The following SPATA16 variants were observed in gnomAD, a reference collection of about 807,000 sequenced individuals.
SPATA16 encodes the protein spermatogenesis associated 16, also known as spermatogenesis-associated protein 16.
Under a neutral mutation model 63.3 loss-of-function variants are expected in SPATA16, and 36 were observed. The observed-to-expected ratio is 0.57, with a 90% confidence interval of 0.44 to 0.75. The LOEUF (loss-of-function observed/expected upper bound fraction) is 0.75. Among genes scored for constraint, SPATA16 ranks in the 30% least tolerant of loss-of-function variants. SPATA16 has a pLI of 0.00. For synonymous variants in SPATA16, 203 were observed against 216.7 expected, an observed-to-expected ratio of 0.94 and a Z score of 0.56; for missense variants, 646 against 679.3, an observed-to-expected ratio of 0.95 and a Z score of 0.54.
chr3:173,067,252 C>A (rs1289740118), intron 2 of SPATA16, among the ~76,000 whole-genome samples: 1 of 152,088 alleles, frequency 6.6e-6, no homozygotes, highest in African/African-American at 2.4e-5. Flanking sequence ...TACCTATACA[C>A]CATGGAATAC....
intron 5 of SPATA16, among the ~76,000 whole-genome samples, chr3:172,963,589 G>A (rs1167654805): frequency 6.6e-6 from 1 of 152,020 alleles, no homozygotes; most frequent in African/African-American, 2.4e-5. Context: ...CATTCAGTAT[G>A]TTTAGGGTTA....
chr3:172,959,841 G>A (rs1162863743), intron 5 of SPATA16, among the ~76,000 whole-genome samples: 2 of 143,112 alleles, frequency 1.4e-5, no homozygotes, highest in African/African-American at 2.7e-5. Flanking sequence ...GGTATTGAAT[G>A]GCATTATTGA....
chr3:173,127,912 G>A (rs942155097), intron 1 of SPATA16, among the ~76,000 whole-genome samples: 2 of 152,146 alleles, frequency 1.3e-5, no homozygotes, highest in Non-Finnish European at 2.9e-5. Context: ...ATTCTTGCCT[G>A]AACCAATCTA....
rs1732483056 is a variant in SPATA16 at position 172,916,248 on chromosome 3, T to TC, written c.1503+68dup. 47 of 1,539,000 alleles carry TC rather than the reference T, an allele frequency of 3.1e-5. No individual in the cohort carries two copies. In the Admixed American group the frequency reaches 3.6e-4, roughly 12 times the overall value. On this transcript the variant is annotated intron_variant, in intron 9 of 10. Transcript: ENST00000351008. ...ACCACAGGATTTTTTTTTTTTTTTT[T>TC]CCCCAGACCATATCACTTTTCTGTT...
intron 3 of SPATA16, among the ~76,000 whole-genome samples, chr3:173,032,930 C>T (rs1399175042): frequency 6.6e-6 from 1 of 152,066 alleles, no homozygotes; most frequent in Non-Finnish European, 1.5e-5. Context: ...CCTCAAGAGC[C>T]TCCAGAGAAC....
intron 3 of SPATA16, among the ~76,000 whole-genome samples, chr3:173,035,170 C>A (rs550137316): frequency 1.2e-4 from 18 of 151,740 alleles, no homozygotes; most frequent in Non-Finnish European, 2.5e-4. Context: ...TAAGTGTTAA[C>A]CTACTTGAGA....
intron 6 of SPATA16, among the ~76,000 whole-genome samples, chr3:172,935,556 T>C (rs916621229): frequency 4.6e-5 from 7 of 152,218 alleles, no homozygotes; most frequent in Non-Finnish European, 2.9e-5. Flanking sequence ...TTTACAAATA[T>C]AAGTCAGACG....
chr3:173,122,838 TC>T (rs1738116323), intron 1 of SPATA16, among the ~76,000 whole-genome samples: 2 of 152,168 alleles, frequency 1.3e-5, no homozygotes, highest in Admixed American at 6.5e-5. Context: ...TGTATCACAA[TC>T]CTTTTTCTAT....
chr3:173,118,812 T>C (rs1273589407), intron 1 of SPATA16, among the ~76,000 whole-genome samples: 3 of 152,136 alleles, frequency 2.0e-5, no homozygotes, highest in Non-Finnish European at 2.9e-5. Flanking sequence ...CTCTATAACA[T>C]GAGGTTCTTT....
chr3:173,049,174 T>C (rs1326909674), intron 2 of SPATA16, 80 bp from the exon 3 acceptor site: 24 of 1,463,818 alleles, frequency 1.6e-5, no homozygotes, highest in Non-Finnish European at 2.1e-5. Context: ...CATGTGTATG[T>C]TTTATTTATA....
intron 3 of SPATA16, among the ~76,000 whole-genome samples, chr3:173,029,669 C>T (rs556799147): frequency 2.6e-5 from 4 of 152,124 alleles, no homozygotes; most frequent in Admixed American, 6.6e-5. Context: ...GGCTGTTTGC[C>T]ACACAACCAT....
At chr3:173,122,760 A>T (rs1199174797) in intron 1 of SPATA16, among the ~76,000 whole-genome samples, 1 of 152,156 alleles carries the variant, frequency 6.6e-6, no homozygotes, top group Non-Finnish European at 1.5e-5. Flanking sequence ...CATAGCTAGG[A>T]GTGGAGGTGG....
At chr3:173,011,601 A>T (rs1735075761) in intron 4 of SPATA16, among the ~76,000 whole-genome samples, 1 of 152,210 alleles carries the variant, frequency 6.6e-6, no homozygotes, top group South Asian at 2.1e-4. Flanking sequence ...TGCAAGTCCT[A>T]GCCGGCAAAC....
chr3:173,066,555 G>A (rs563042138), intron 2 of SPATA16, among the ~76,000 whole-genome samples: 1 of 152,284 alleles, frequency 6.6e-6, no homozygotes, highest in African/African-American at 2.4e-5. Context: ...AGTCCACTAA[G>A]GCTGGGTATT....
chr3:172,923,658 G>A (rs374706728), intron 8 of SPATA16, among the ~76,000 whole-genome samples: 1 of 151,976 alleles, frequency 6.6e-6, no homozygotes, highest in South Asian at 2.1e-4. Context: ...TCTTATTTTG[G>A]GCTCTTTAAG....
chr3:173,079,971 C>G (rs935471548), intron 2 of SPATA16, among the ~76,000 whole-genome samples: 1 of 151,998 alleles, frequency 6.6e-6, no homozygotes, highest in African/African-American at 2.4e-5. Flanking sequence ...ATACGCAATG[C>G]CTAAAGTGAA....
intron 8 of SPATA16, among the ~76,000 whole-genome samples, chr3:172,917,531 G>A (rs556223686): frequency 2.0e-5 from 3 of 152,290 alleles, no homozygotes; most frequent in African/African-American, 7.2e-5. Context: ...TTGTGGACTT[G>A]GCAGTTAGCA....
intron 2 of SPATA16, among the ~76,000 whole-genome samples, chr3:173,084,700 G>C (rs1471781052): frequency 6.6e-6 from 1 of 152,118 alleles, no homozygotes; most frequent in Admixed American, 6.6e-5. Flanking sequence ...TTTGTGTAAG[G>C]TGTAAGGAAA....
At position 172,988,686 on chromosome 3, in the gene SPATA16, AG is replaced by A. The variant is rs544784025; in HGVS notation, c.849-11635del. Among the ~76,000 whole-genome samples the A allele has an allele frequency of 9.8e-4, 149 of 152,294 alleles. 1 individual carries two copies. The highest frequency in any genetic ancestry group is 3.5e-3 in the African/African-American group (145 of 41,576). On this transcript the variant is annotated intron_variant, in intron 4 of 10. Coordinates refer to ENST00000351008, the MANE Select transcript of SPATA16 (RefSeq NM_031955.6). ...GGATGGAGTTTCACTCATATCACCT[AG>A]GTGCAATGGTGTGATCTTGGCTCAC...
Sources: allele counts gnomAD v4.1 joint callset (sites outside exome capture counted in the v4.1 genomes callset), GRCh38; gene constraint gnomAD v4.1.1; transcripts MANE v1.5; gene names NCBI Gene and HGNC (gene_info 2026-07-23, HGNC 2026-07-21).